HSD17B4: variants seen among roughly 807,000 people sequenced by gnomAD.
The protein encoded by HSD17B4 is peroxisomal multifunctional enzyme type 2.
In HSD17B4, 70 loss-of-function variants were observed where a neutral mutation model predicts 101.0. That is an observed-to-expected ratio of 0.69 (90% CI 0.57 to 0.85). HSD17B4 has a LOEUF of 0.85. Ranked by LOEUF, HSD17B4 falls within the 40% of genes least tolerant of loss-of-function variation. The probability of loss-of-function intolerance (pLI) is 0.00; values close to 1 mark genes in which losing one functional copy is unlikely to be tolerated. For missense variants in HSD17B4, 984 were observed against 892.4 expected (o/e 1.10, Z -1.31); for synonymous variants, 347 against 297.1 (o/e 1.17, Z -1.73).
chr5:119,518,884 A>G (rs1180619605), intron 17 of HSD17B4, among the ~76,000 whole-genome samples: 1 of 152,178 alleles, frequency 6.6e-6, no homozygotes, highest in Non-Finnish European at 1.5e-5. Context: ...CTTAAATCCC[A>G]GCACTTTGGG....
chr5:119,515,135 C>G (rs954459149), intron 17 of HSD17B4, 89 bp downstream of exon 17: 2 of 780,260 alleles, frequency 2.6e-6, no homozygotes, highest in South Asian at 2.8e-5. Context: ...CATTATGCAT[C>G]TAATGCATAA....
At position 119,531,478 on chromosome 5, in the gene HSD17B4, G is replaced by C. The variant is rs17145464; in HGVS notation, c.1993+74G>C. The C allele has an allele frequency of 0.33, 471,669 of 1,435,210 alleles. 81,913 individuals carry two copies. The highest frequency in any genetic ancestry group is 0.41 in the Admixed American group (23,960 of 58,976). 88.9% of individuals were successfully genotyped at this position (1,435,210 alleles called of 1,614,324 possible). A position where few individuals can be genotyped will look rare whatever the true frequency, so the allele number is the denominator to read the frequency against. On this transcript the variant is annotated intron_variant, in intron 22 of 23. Coordinates refer to ENST00000510025, the MANE Select transcript of HSD17B4 (RefSeq NM_000414.4). ...ATAAAGTATCTTTTTAACAATTAAA[G>C]ACCTTTGAAGGTAGGTAAATCTTAC...
intron 14 of HSD17B4, among the ~76,000 whole-genome samples, chr5:119,506,468 A>G (rs912197614): frequency 2.0e-5 from 3 of 152,226 alleles, no homozygotes; most frequent in African/African-American, 4.8e-5. Context: ...ATAGTGCCAC[A>G]ATAAATATAC....
chr5:119,473,571 C>T (rs1748247473), intron 2 of HSD17B4, among the ~76,000 whole-genome samples: 2 of 152,076 alleles, frequency 1.3e-5, no homozygotes, highest in Non-Finnish European at 2.9e-5. Context: ...AGTCCTCCCA[C>T]CTTAGCCTCT....
At chr5:119,488,048 A>G (rs1749765783) in intron 8 of HSD17B4, among the ~76,000 whole-genome samples, 1 of 152,172 alleles carries the variant, frequency 6.6e-6, no homozygotes, top group African/African-American at 2.4e-5. Context: ...TTAACACATT[A>G]ATACAAAATT....
At chr5:119,488,028 C>G (rs1011671762) in intron 8 of HSD17B4, among the ~76,000 whole-genome samples, 2 of 152,070 alleles carry the variant, frequency 1.3e-5, no homozygotes, top group Non-Finnish European at 2.9e-5. Flanking sequence ...TATACACCAT[C>G]TTTTTTACTT....
rs573290895 is a variant in HSD17B4, at chr5:119,506,691, A to T, written c.1262-127A>T. The stretch of plus-strand genomic sequence containing the variant: ...TCTGCAGCATCTGTTGTTCAGGAAC[A>T]CTATTTCAAACCATAGTTTTTTAGT... On this transcript the variant is annotated intron_variant, in intron 14 of 23. Transcript: ENST00000510025. 18 of 583,912 alleles carry T rather than the reference A, an allele frequency of 3.1e-5. No homozygotes were observed. The African/African-American group carries it at 3.2e-4, about 10-fold the overall frequency. The allele number at this position is 583,912 out of a possible 1,614,324, so 36.2% of individuals were successfully genotyped here.
chr5:119,527,092 T>C (rs756782784), intron 19 of HSD17B4, 41 bp from the exon 20 acceptor site: 7 of 1,208,360 alleles, frequency 5.8e-6, no homozygotes, highest in Non-Finnish European at 7.4e-6. Context: ...TAAAAGAGTT[T>C]CCTTTTAAAA....
intron 17 of HSD17B4, among the ~76,000 whole-genome samples, chr5:119,520,061 T>G (rs924728719): frequency 6.6e-6 from 1 of 152,144 alleles, no homozygotes; most frequent in South Asian, 2.1e-4. Context: ...CACTGATTAT[T>G]TGTGGGTGAA....
At chr5:119,501,910 C>T in intron 13 of HSD17B4, 131 bp from the exon 14 acceptor site, 2 of 668,696 alleles carry the variant, frequency 3.0e-6, no homozygotes, top group Non-Finnish European at 5.5e-6. Context: ...AGAAGCCAAA[C>T]AGAGATAGAT....
intron 17 of HSD17B4, among the ~76,000 whole-genome samples, chr5:119,517,484 A>G (rs1219721331): frequency 1.3e-5 from 2 of 152,224 alleles, no homozygotes; most frequent in African/African-American, 4.8e-5. Flanking sequence ...AGGGCTGAGG[A>G]GTGCGAGCGT....
At chr5:119,470,194 G>C (rs1188212739) in intron 2 of HSD17B4, among the ~76,000 whole-genome samples, 1 of 146,450 alleles carries the variant, frequency 6.8e-6, no homozygotes, top group Non-Finnish European at 1.5e-5. Context: ...TTGAATGTCT[G>C]TTTTTTTTTT....
chr5:119,465,579 T>C (rs1415244552), intron 2 of HSD17B4, among the ~76,000 whole-genome samples: 17 of 152,238 alleles, frequency 1.1e-4, no homozygotes, highest in Admixed American at 1.1e-3. Context: ...CTTTTCTTTG[T>C]AAATTACCCA....
intron 2 of HSD17B4, chr5:119,471,603 A>G: frequency 2.2e-6 from 2 of 925,990 alleles, no homozygotes; most frequent in African/African-American, 1.7e-5. Flanking sequence ...CCATTATGCT[A>G]TTTATTAATT....
chr5:119,458,536 A>G (rs534647231), intron 2 of HSD17B4, among the ~76,000 whole-genome samples: 5 of 146,510 alleles, frequency 3.4e-5, no homozygotes, highest in African/African-American at 7.6e-5. Flanking sequence ...TTAAGTAAAG[A>G]TGCGGTTTCA....
rs577644542 is a variant in HSD17B4, at chr5:119,522,280, A to C, written c.1504-2936A>C. On this transcript the variant is annotated intron_variant, in intron 17 of 23. Transcript: ENST00000510025. ...AGACATGAACTCATCCTTTTTTATGACTGCATAGTATTTCATGGTGTATAT... is the reference window on the plus strand; with the variant it reads ...AGACATGAACTCATCCTTTTTTATGCCTGCATAGTATTTCATGGTGTATAT... Among the ~76,000 whole-genome samples the C allele has an allele frequency of 8.0e-4, 121 of 152,140 alleles. 1 individual carries two copies. Among genetic ancestry groups the C allele is most frequent in the African/African-American group, 2.7e-3 (111 of 41,508 alleles).
At chr5:119,540,082 G>A (rs1754861618) in intron 23 of HSD17B4, among the ~76,000 whole-genome samples, 1 of 152,126 alleles carries the variant, frequency 6.6e-6, no homozygotes, top group African/African-American at 2.4e-5. Flanking sequence ...GCAAGACCCT[G>A]TGTCAATCAA....
intron 17 of HSD17B4, among the ~76,000 whole-genome samples, chr5:119,519,140 A>G (rs1368988146): frequency 6.6e-6 from 1 of 152,126 alleles, no homozygotes; most frequent in African/African-American, 2.4e-5. Flanking sequence ...CCTGTCTCAA[A>G]ACAAAACAAA....
chr5:119,525,667 A>G (rs954563248), intron 18 of HSD17B4: 1 of 546,710 alleles, frequency 1.8e-6, no homozygotes, highest in East Asian at 3.2e-5. Context: ...CCAAAACTAA[A>G]CAAAACAATT....
Sources: gnomAD v4.1 joint callset for allele counts (sites outside exome capture counted in the v4.1 genomes callset) on GRCh38, gnomAD v4.1.1 for gene constraint, MANE v1.5 for transcripts, NCBI Gene and HGNC (gene_info 2026-07-23, HGNC 2026-07-21) for gene names.